YAP1: variants seen among roughly 807,000 people sequenced by gnomAD.
YAP1 encodes transcriptional coactivator YAP1.
In YAP1, 5 loss-of-function variants were observed where a neutral mutation model predicts 56.9. The ratio of observed to expected loss-of-function variants is 0.09; its 90% CI spans 0.05 to 0.18. The LOEUF is 0.18. Ranked by LOEUF, YAP1 falls within the 10% of genes least tolerant of loss-of-function variation. YAP1 has a pLI of 1.00. For synonymous variants in YAP1, 265 were observed against 248.1 expected, an observed-to-expected ratio of 1.07 and a Z score of -0.64; for missense variants, 539 against 651.8, an observed-to-expected ratio of 0.83 and a Z score of 1.88.
chr11:102,114,106 TTTC>T, intron 1 of YAP1, 35 bp from the exon 2 acceptor site: 1 of 1,556,470 alleles, frequency 6.4e-7, no homozygotes, highest in South Asian at 1.2e-5. Flanking sequence ...AGTTGTGTTT[TTTC>T]TTTTTTAATT....
chr11:102,141,957 G>A (rs151272264), intron 2 of YAP1, among the ~76,000 whole-genome samples: 161 of 152,296 alleles, frequency 1.1e-3, no homozygotes, highest in Non-Finnish European at 2.0e-3. Context: ...AACTTTTGCA[G>A]CTCTAAAATG....
intron 2 of YAP1, among the ~76,000 whole-genome samples, chr11:102,147,590 C>T (rs1293952646): frequency 6.6e-6 from 1 of 152,154 alleles, no homozygotes; most frequent in Non-Finnish European, 1.5e-5. Flanking sequence ...ATATGACCAA[C>T]TTATTGAACA....
At chr11:102,113,481 A>C (rs1237294778) in intron 1 of YAP1, among the ~76,000 whole-genome samples, 1 of 152,186 alleles carries the variant, frequency 6.6e-6, no homozygotes, top group African/African-American at 2.4e-5. Flanking sequence ...TGAGTTCTTA[A>C]GTTAAAATTG....
chr11:102,227,455 T>C lies in YAP1; in HGVS notation c.1164-14T>C. The C allele has an allele frequency of 6.3e-7, 1 of 1,596,174 alleles. No homozygotes were observed. Among genetic ancestry groups the C allele is most frequent in the Non-Finnish European group, 8.6e-7 (1 of 1,165,556 alleles). Reference sequence around the variant, plus strand: ...AATTTTTTGTGTTGGTCTTTAACTGTCATGTTTATGTAGTGGCACCTATCA... The same window carrying C: ...AATTTTTTGTGTTGGTCTTTAACTGCCATGTTTATGTAGTGGCACCTATCA... On this transcript the variant is annotated splice_polypyrimidine_tract_variant and intron_variant, in intron 7 of 8. Coordinates refer to ENST00000282441, the MANE Select transcript of YAP1 (RefSeq NM_001130145.3).
intron 1 of YAP1, chr11:102,112,405 TTTCTTTTTTATTTCTTC>T (rs1300223498): frequency 1.0e-6 from 1 of 981,994 alleles, no homozygotes; most frequent in Non-Finnish European, 1.2e-6. Flanking sequence ...TCTCTTTTTC[TTTCTTTTTTATTTCTTC>T]TTCTTTTTTT....
chr11:102,204,007 T>G (rs1440283693), intron 4 of YAP1, among the ~76,000 whole-genome samples: 1 of 152,048 alleles, frequency 6.6e-6, no homozygotes, highest in African/African-American at 2.4e-5. Flanking sequence ...AAGATTGGAT[T>G]GAACTAAGGC....
At chr11:102,224,046 G>C (rs1950077515) in intron 7 of YAP1, among the ~76,000 whole-genome samples, 1 of 152,168 alleles carries the variant, frequency 6.6e-6, no homozygotes, top group African/African-American at 2.4e-5. Flanking sequence ...AATCATGAAG[G>C]AACATGTGAA....
chr11:102,168,641 G>A (rs1591301122), intron 3 of YAP1, among the ~76,000 whole-genome samples: 1 of 152,322 alleles, frequency 6.6e-6, no homozygotes, highest in Non-Finnish European at 1.5e-5. Context: ...GATCATGAAA[G>A]GTGATACGTG....
chr11:102,145,392 G>A (rs189707939), intron 2 of YAP1, among the ~76,000 whole-genome samples: 1 of 152,284 alleles, frequency 6.6e-6, no homozygotes, highest in Non-Finnish European at 1.5e-5. Context: ...AGGAATTCTG[G>A]TATATCAGAA....
At chr11:102,166,925 A>G (rs1416412653) in intron 3 of YAP1, among the ~76,000 whole-genome samples, 2 of 152,140 alleles carry the variant, frequency 1.3e-5, no homozygotes, top group African/African-American at 2.4e-5. Flanking sequence ...CATAATTTTC[A>G]TGGTTGACTA....
At chr11:102,170,493 C>G (rs966269480) in intron 3 of YAP1, among the ~76,000 whole-genome samples, 1 of 151,914 alleles carries the variant, frequency 6.6e-6, no homozygotes, top group Non-Finnish European at 1.5e-5. Context: ...CTTTCCTGTC[C>G]TCTTTGCTTT....
intron 6 of YAP1, among the ~76,000 whole-genome samples, chr11:102,222,733 T>TA (rs1565285941): frequency 6.6e-6 from 1 of 151,940 alleles, no homozygotes; most frequent in Admixed American, 6.6e-5. Flanking sequence ...ATGGAACATA[T>TA]TCTATCCAGC....
At chr11:102,210,794 C>T (rs1011378593) in intron 6 of YAP1, among the ~76,000 whole-genome samples, 1 of 152,018 alleles carries the variant, frequency 6.6e-6, no homozygotes, top group African/African-American at 2.4e-5. Context: ...GCTCTGTTGC[C>T]GAGGCTGGAG....
chr11:102,225,284 G>A (rs1001060994), intron 7 of YAP1, among the ~76,000 whole-genome samples: 1 of 151,864 alleles, frequency 6.6e-6, no homozygotes, highest in Admixed American at 6.6e-5. Flanking sequence ...GTAAGAGTTC[G>A]AGACCAGCCT....
At chr11:102,127,893 A>G (rs1944129068) in intron 2 of YAP1, among the ~76,000 whole-genome samples, 1 of 152,114 alleles carries the variant, frequency 6.6e-6, no homozygotes. Context: ...ATCATTTTGG[A>G]GCTTTAAAAT....
At chr11:102,148,857 C>T (rs750412805) in intron 2 of YAP1, among the ~76,000 whole-genome samples, 3 of 152,010 alleles carry the variant, frequency 2.0e-5, no homozygotes, top group Non-Finnish European at 2.9e-5. Flanking sequence ...ATCTCATAAC[C>T]GATTGATAAC....
At position 102,114,528 on chromosome 11, in the gene YAP1, C is replaced by G. The variant is rs943470185; in HGVS notation, c.572+134C>G. On this transcript the variant is annotated intron_variant, in intron 2 of 8. Coordinates refer to ENST00000282441, the MANE Select transcript of YAP1 (RefSeq NM_001130145.3). ...AATATTTATGTTAAGCTCTGTAGCT[C>G]TATCTTCCATATATATGTTTCAGTT... is the stretch of plus-strand genomic sequence containing the variant. 3.3e-5 allele frequency: 37 copies of G among 1,107,246 alleles called. No individual in the cohort carries two copies. In the South Asian group the frequency reaches 5.7e-4, roughly 17 times the overall value. The allele number at this position is 1,107,246 out of a possible 1,614,324, so 68.6% of individuals were successfully genotyped here.
At position 102,205,953 on chromosome 11, in the gene YAP1, A is replaced by G. The variant is rs1434387840; in HGVS notation, c.863A>G (p.Gln288Arg). 1 of 1,612,896 alleles carries G rather than the reference A, an allele frequency of 6.2e-7. No individual in the cohort carries two copies. Among genetic ancestry groups the G allele is most frequent in the Admixed American group, 1.7e-5 (1 of 59,968 alleles). The change falls in exon 5 of 9, where the codon CAG becomes CGG. Residue 288 changes from glutamine (Q) to arginine (R), a missense_variant. This residue lies in a region of YAP1 where 414 missense variants were observed against 512.4 expected (regional missense o/e 0.81). Transcript: ENST00000282441. ...PVKQPPPLAP[Q>R]SPQGGVMGGS... ...AAACAGCCACCACCCCTGGCTCCCCAGAGCCCACAGGGAGGCGTCATGGGT... is the reference window on the plus strand; with the variant it reads ...AAACAGCCACCACCCCTGGCTCCCCGGAGCCCACAGGGAGGCGTCATGGGT...
intron 4 of YAP1, among the ~76,000 whole-genome samples, chr11:102,203,649 C>T (rs1398284870): frequency 6.6e-6 from 1 of 152,084 alleles, no homozygotes; most frequent in African/African-American, 2.4e-5. Context: ...ATTAATTTTT[C>T]TACTTTTCTA....
Sources: allele counts gnomAD v4.1 joint callset (sites outside exome capture counted in the v4.1 genomes callset), GRCh38; gene constraint gnomAD v4.1.1; regional missense constraint gnomAD v4.1.1; transcripts MANE v1.5; gene names NCBI Gene and HGNC (gene_info 2026-07-23, HGNC 2026-07-21).